GLI3: variants seen among roughly 807,000 people sequenced by gnomAD.
The protein encoded by GLI3 is transcription activator GLI3.
GLI3 carries 20 observed loss-of-function variants against 100.8 expected under a neutral mutation model. The ratio of observed to expected loss-of-function variants is 0.20; its 90% CI spans 0.14 to 0.29. The LOEUF is 0.29. Ranked by LOEUF, GLI3 falls within the 10% of genes least tolerant of loss-of-function variation. GLI3 has a pLI of 1.00. For synonymous variants in GLI3, 938 were observed against 860.5 expected (o/e 1.09, Z -1.58); for missense variants, 2,040 against 2,128.5 (o/e 0.96, Z 0.82).
chr7:42,025,300 A>G lies in GLI3; in HGVS notation c.1320T>C (p.Asp440=), dbSNP rs750416636. ...GAGCCCCTGGGCTGGGGAGGTCTTC[A>G]TCGGGTTTGATCTTGGACCTCTTGT... The part of the protein sequence containing the change: ...MHNKRSKIKP[D]EDLPSPGARG... The change falls in exon 9 of 15, where the codon GAT becomes GAC. Residue 440 remains aspartate, a synonymous_variant. Coordinates refer to ENST00000395925, the MANE Select transcript of GLI3 (RefSeq NM_000168.6). 52 of 1,614,010 alleles carry G rather than the reference A, an allele frequency of 3.2e-5. No individual in the cohort carries two copies. Among genetic ancestry groups the G allele is most frequent in the Middle Eastern group, 1.6e-4 (1 of 6,062 alleles).
At chr7:42,022,364 G>GT (rs971082659) in intron 10 of GLI3, among the ~76,000 whole-genome samples, 16 of 152,308 alleles carry the variant, frequency 1.1e-4, no homozygotes, top group Admixed American at 4.6e-4. Context: ...CGTGTGGGAT[G>GT]TAAGAGGGAC....
intron 2 of GLI3, chr7:42,172,431 A>C (rs552930274): frequency 1.6e-6 from 1 of 626,964 alleles, no homozygotes; most frequent in African/African-American, 1.8e-5. Flanking sequence ...AAGCAGAATT[A>C]GATAGTAAGA....
At chr7:42,084,587 T>C in intron 3 of GLI3, among the ~76,000 whole-genome samples, 1 of 152,158 alleles carries the variant, frequency 6.6e-6, no homozygotes, top group Non-Finnish European at 1.5e-5. Context: ...TCAGCTTTCC[T>C]GCCAGGATAA....
chr7:41,990,865 AGTGTGTGTGT>A (rs57245025), intron 10 of GLI3, among the ~76,000 whole-genome samples: 4 of 142,748 alleles, frequency 2.8e-5, no homozygotes, highest in Non-Finnish European at 4.6e-5. Context: ...GATTAAGGCA[AGTGTGTGTGT>A]GTGTGTGTGT....
intron 3 of GLI3, among the ~76,000 whole-genome samples, chr7:42,089,491 T>A (rs1159978068): frequency 2.6e-5 from 4 of 152,204 alleles, no homozygotes; most frequent in Non-Finnish European, 5.9e-5. Flanking sequence ...ACAGAATTTA[T>A]CACCCTCAAT....
chr7:42,259,620 G>A (rs1254504036), intron 1 of GLI3, among the ~76,000 whole-genome samples: 1 of 152,172 alleles, frequency 6.6e-6, no homozygotes, highest in East Asian at 1.9e-4. Flanking sequence ...GTCTACACTT[G>A]TAGGGATTTC....
chr7:42,175,534 C>T (rs1787461380), intron 2 of GLI3, among the ~76,000 whole-genome samples: 2 of 152,018 alleles, frequency 1.3e-5, no homozygotes. Flanking sequence ...ACGAGAATCA[C>T]TGGAACCTGG....
Position 41,963,205 on chromosome 7 carries a change from C to T in GLI3, c.*1125G>A, listed in dbSNP as rs923882724. On this transcript the variant is annotated 3_prime_UTR_variant, in exon 15 of 15. Coordinates refer to ENST00000395925, the MANE Select transcript of GLI3 (RefSeq NM_000168.6). ...ACTATGTGGGCTTTCTCTTTTACAA[C>T]TAAGTTTTATAAATCCCTCAAAATA... The T allele has an allele frequency of 1.3e-5, 2 of 152,176 alleles. No homozygotes were observed. Among genetic ancestry groups the T allele is most frequent in the Admixed American group, 1.3e-4 (2 of 15,266 alleles). The allele number at this position is 152,176 out of a possible 1,614,324, so 9.4% of individuals were successfully genotyped here.
intron 1 of GLI3, among the ~76,000 whole-genome samples, chr7:42,226,681 G>T (rs1788587825): frequency 6.6e-6 from 1 of 152,142 alleles, no homozygotes; most frequent in Non-Finnish European, 1.5e-5. Flanking sequence ...TTGGAACTGG[G>T]CTATAAAGAT....
At chr7:42,015,737 GCA>G (rs145138485) in intron 10 of GLI3, among the ~76,000 whole-genome samples, 1 of 150,746 alleles carries the variant, frequency 6.6e-6, no homozygotes, top group African/African-American at 2.4e-5. Context: ...GTTTACACAC[GCA>G]CACACACACA....
At position 42,057,786 on chromosome 7, in the gene GLI3, A is replaced by C. The variant is rs538610949; in HGVS notation, c.474-9090T>G. Reference sequence around the variant, plus strand: ...TGAAGTAACTCAAGAATGGAAAACCAAATACCATATGTTCTCACTTATAAC... The same window carrying C: ...TGAAGTAACTCAAGAATGGAAAACCCAATACCATATGTTCTCACTTATAAC... On this transcript the variant is annotated intron_variant, in intron 4 of 14. Coordinates refer to ENST00000395925, the MANE Select transcript of GLI3 (RefSeq NM_000168.6). 3.8e-4 allele frequency among the ~76,000 whole-genome samples: 58 copies of C among 152,338 alleles called. 1 individual carries two copies. Among genetic ancestry groups the C allele is most frequent in the African/African-American group, 1.3e-3 (52 of 41,584 alleles).
At chr7:42,122,156 C>T (rs1051028194) in intron 3 of GLI3, among the ~76,000 whole-genome samples, 12 of 150,212 alleles carry the variant, frequency 8.0e-5, no homozygotes, top group Non-Finnish European at 8.9e-5. Flanking sequence ...AAAAATAAGC[C>T]AGACCAGGAA....
chr7:42,192,259 C>A (rs1455650791), intron 2 of GLI3, among the ~76,000 whole-genome samples: 1 of 151,966 alleles, frequency 6.6e-6, no homozygotes, highest in African/African-American at 2.4e-5. Flanking sequence ...ATGTGAGTAG[C>A]CAGCCAAGAA....
chr7:41,962,693 T>C lies in GLI3; in HGVS notation c.*1637A>G, dbSNP rs970985638. 2.0e-5 allele frequency: 3 copies of C among 152,308 alleles called. No homozygotes were observed. The highest frequency in any genetic ancestry group is 7.2e-5 in the African/African-American group (3 of 41,560). 9.4% of individuals were successfully genotyped at this position (152,308 alleles called of 1,614,324 possible). A position where few individuals can be genotyped will look rare whatever the true frequency, so the allele number is the denominator to read the frequency against. ...AAACATGAGAAAAGTGGGCTGGTCT[T>C]AACACTCTTTCTATTATCTAACACT... On this transcript the variant is annotated 3_prime_UTR_variant, in exon 15 of 15. Coordinates refer to ENST00000395925, the MANE Select transcript of GLI3 (RefSeq NM_000168.6).
intron 4 of GLI3, among the ~76,000 whole-genome samples, chr7:42,055,350 A>G (rs1784438080): frequency 6.6e-6 from 1 of 152,020 alleles, no homozygotes; most frequent in African/African-American, 2.4e-5. Context: ...CTCCTCCCCA[A>G]GGCCACAGCC....
chr7:41,997,546 C>T (rs1788161073), intron 10 of GLI3, among the ~76,000 whole-genome samples: 1 of 152,110 alleles, frequency 6.6e-6, no homozygotes, highest in African/African-American at 2.4e-5. Context: ...AAAAAGTGTC[C>T]AAGTAATAGA....
intron 3 of GLI3, among the ~76,000 whole-genome samples, chr7:42,085,112 A>G (rs559197126): frequency 2.6e-5 from 4 of 152,078 alleles, no homozygotes; most frequent in Admixed American, 2.6e-4. Flanking sequence ...AGGATTCACC[A>G]TGTGAGCCAG....
At chr7:42,107,218 C>G (rs1354631488) in intron 3 of GLI3, among the ~76,000 whole-genome samples, 2 of 152,062 alleles carry the variant, frequency 1.3e-5, no homozygotes, top group East Asian at 1.9e-4. Context: ...GTAGTCCCAG[C>G]TACTCAGGAG....
At chr7:42,240,543 G>T (rs980471012), upstream of GLI3, among the ~76,000 whole-genome samples, 1 of 152,094 alleles carries the variant, frequency 6.6e-6, no homozygotes, top group Admixed American at 6.6e-5. Flanking sequence ...CTGTCAATCT[G>T]GGTGTCCCGT....
Sources: allele counts gnomAD v4.1 joint callset (sites outside exome capture counted in the v4.1 genomes callset), GRCh38; gene constraint gnomAD v4.1.1; transcripts MANE v1.5; gene names NCBI Gene and HGNC (gene_info 2026-07-23, HGNC 2026-07-21).